The following SPHKAP variants were observed in gnomAD, a reference collection of about 807,000 sequenced individuals.
SPHKAP encodes the protein A-kinase anchor protein SPHKAP.
SPHKAP carries 67 observed loss-of-function variants against 137.5 expected under a neutral mutation model. That is an observed-to-expected ratio of 0.49 (90% CI 0.40 to 0.60). The LOEUF (loss-of-function observed/expected upper bound fraction) is 0.60. Among genes scored for constraint, SPHKAP ranks in the 20% least tolerant of loss-of-function variants. The probability of loss-of-function intolerance (pLI) is 0.00; values close to 1 mark genes in which losing one functional copy is unlikely to be tolerated. For missense variants in SPHKAP, 2,097 were observed against 2,069.3 expected (o/e 1.01, Z -0.26); for synonymous variants, 813 against 785.3 (o/e 1.04, Z -0.59).
chr2:228,110,159 T>G (rs1248184498), intron 2 of SPHKAP, among the ~76,000 whole-genome samples: 1 of 151,972 alleles, frequency 6.6e-6, no homozygotes, highest in Non-Finnish European at 1.5e-5. Context: ...CAATTACATT[T>G]CATTCGTACA....
chr2:228,091,715 T>C lies in SPHKAP; in HGVS notation c.246+17117A>G, dbSNP rs531235058. 3.4e-4 allele frequency among the ~76,000 whole-genome samples: 52 copies of C among 151,894 alleles called. 1 individual carries two copies. The highest frequency in any genetic ancestry group is 1.8e-4 in the Non-Finnish European group (12 of 67,956). ...AGGGAAATGCAAATCAAAACCACAATGTGATACCACCTTACTCCTGCAAGA... is the reference window on the plus strand; with the variant it reads ...AGGGAAATGCAAATCAAAACCACAACGTGATACCACCTTACTCCTGCAAGA... On this transcript the variant is annotated intron_variant, in intron 3 of 11. Transcript: ENST00000392056.
chr2:228,105,948 G>A (rs1698332374), intron 3 of SPHKAP, among the ~76,000 whole-genome samples: 1 of 152,126 alleles, frequency 6.6e-6, no homozygotes, highest in South Asian at 2.1e-4. Flanking sequence ...AACTACTGAA[G>A]ATGTCTTCAG....
intron 2 of SPHKAP, among the ~76,000 whole-genome samples, chr2:228,116,536 A>G (rs1243401615): frequency 1.3e-5 from 2 of 152,176 alleles, no homozygotes; most frequent in Non-Finnish European, 2.9e-5. Flanking sequence ...TAATATTATT[A>G]CTAATGTTAT....
intron 1 of SPHKAP, among the ~76,000 whole-genome samples, chr2:228,143,243 T>C (rs1699660940): frequency 6.6e-6 from 1 of 152,116 alleles, no homozygotes; most frequent in South Asian, 2.1e-4. Context: ...AATGTATTAT[T>C]TTAAAATATA....
intron 3 of SPHKAP, among the ~76,000 whole-genome samples, chr2:228,086,827 C>T (rs984362193): frequency 3.9e-5 from 6 of 152,108 alleles, no homozygotes; most frequent in African/African-American, 1.2e-4. Flanking sequence ...AAACAATAGC[C>T]CCAGTTAATT....
intron 1 of SPHKAP, among the ~76,000 whole-genome samples, chr2:228,149,825 A>G (rs1448067964): frequency 1.3e-5 from 2 of 152,152 alleles, no homozygotes; most frequent in Non-Finnish European, 2.9e-5. Context: ...ATAATGCATA[A>G]TTTATCTGCA....
chr2:228,167,144 C>T (rs182180783), intron 1 of SPHKAP, among the ~76,000 whole-genome samples: 2 of 152,296 alleles, frequency 1.3e-5, no homozygotes, highest in Admixed American at 1.3e-4. Context: ...TGGGTGGGGA[C>T]ATACATCCAA....
At chr2:228,042,904 G>A (rs1398989548) in intron 3 of SPHKAP, among the ~76,000 whole-genome samples, 3 of 152,122 alleles carry the variant, frequency 2.0e-5, no homozygotes, top group Admixed American at 1.3e-4. Flanking sequence ...AGGTGTTTAT[G>A]ACTTAATGGA....
chr2:228,048,582 C>T (rs971402908), intron 3 of SPHKAP, among the ~76,000 whole-genome samples: 1 of 152,022 alleles, frequency 6.6e-6, no homozygotes, highest in Admixed American at 6.6e-5. Context: ...TAATACTGTA[C>T]TTTTACTGTA....
At chr2:228,178,297 A>G (rs1341853262) in intron 1 of SPHKAP, among the ~76,000 whole-genome samples, 1 of 152,160 alleles carries the variant, frequency 6.6e-6, no homozygotes, top group African/African-American at 2.4e-5. Context: ...TATTTCCTTT[A>G]TTTAATTTCC....
Position 228,018,577 on chromosome 2 carries a change from A to C in SPHKAP, c.2277T>G (p.Ser759Arg). 6.2e-7 allele frequency: 1 copy of C among 1,613,898 alleles called. No homozygotes were observed. Among genetic ancestry groups the C allele is most frequent in the Non-Finnish European group, 8.5e-7 (1 of 1,179,888 alleles). ...PSCQPSDPGASQAWTKATESS... is the reference protein window; with the variant it reads ...PSCQPSDPGARQAWTKATESS... The stretch of plus-strand genomic sequence containing the variant: ...ATTCAGTGGCTTTTGTCCAAGCTTG[A>C]CTAGCACCCGGATCAGATGGCTGGC... Residue 759 changes from serine to arginine, a missense_variant, in exon 7 of 12, where the codon AGT becomes AGG. Transcript: ENST00000392056.
intron 1 of SPHKAP, among the ~76,000 whole-genome samples, chr2:228,177,631 T>C (rs1448694335): frequency 6.6e-6 from 1 of 152,210 alleles, no homozygotes; most frequent in East Asian, 1.9e-4. Flanking sequence ...TGGAAGATCA[T>C]AGTCCAGTAT....
In SPHKAP at chr2:228,124,045, C is replaced by T. The variant is rs532454507; in HGVS notation, c.138+7935G>A. On this transcript the variant is annotated intron_variant, in intron 2 of 11. Transcript: ENST00000392056. Reference sequence around the variant, plus strand: ...AAAACCACGATGAGATACCATCTTGCACCAGTTAGAATGGCAATCATTAAA... The same window carrying T: ...AAAACCACGATGAGATACCATCTTGTACCAGTTAGAATGGCAATCATTAAA... 2.7e-3 allele frequency among the ~76,000 whole-genome samples: 408 copies of T among 151,646 alleles called. 4 individuals are homozygous for T. Among genetic ancestry groups the T allele is most frequent in the African/African-American group, 9.6e-3 (399 of 41,414 alleles).
chr2:228,016,852 CTCAG>C lies in SPHKAP; in HGVS notation c.3998_4001del (p.Thr1333SerfsTer18). 6.2e-7 allele frequency: 1 copy of C among 1,614,074 alleles called. No homozygotes were observed. The highest frequency in any genetic ancestry group is 8.5e-7 in the Non-Finnish European group (1 of 1,180,000). On this transcript the variant is annotated frameshift_variant, in exon 7 of 12. Coordinates refer to ENST00000392056, the MANE Select transcript of SPHKAP (RefSeq NM_001142644.2). LOFTEE classifies it high-confidence loss of function. ...GCGAGGGAGAGCCACCAGAAACAGGCTCAGTGTCAGCTTCCTCTGCATCATCCAC... is the reference window on the plus strand; with the variant it reads ...GCGAGGGAGAGCCACCAGAAACAGGCTGTCAGCTTCCTCTGCATCATCCAC...
intron 2 of SPHKAP, among the ~76,000 whole-genome samples, chr2:228,112,675 C>T (rs566747925): frequency 2.0e-5 from 3 of 152,210 alleles, no homozygotes; most frequent in African/African-American, 7.2e-5. Flanking sequence ...GCAGACCAGG[C>T]TAGTTGGGAG....
chr2:228,082,189 A>T (rs981416911), intron 3 of SPHKAP, among the ~76,000 whole-genome samples: 2 of 152,190 alleles, frequency 1.3e-5, no homozygotes, highest in Admixed American at 1.3e-4. Context: ...ATATGAAATC[A>T]TAAGATTTCA....
intron 3 of SPHKAP, among the ~76,000 whole-genome samples, chr2:228,084,627 T>C (rs1697482018): frequency 1.3e-5 from 2 of 152,196 alleles, no homozygotes; most frequent in African/African-American, 4.8e-5. Context: ...TGTTCACCAT[T>C]GATTAATTTT....
chr2:228,111,831 C>T (rs1698528027), intron 2 of SPHKAP, among the ~76,000 whole-genome samples: 1 of 152,002 alleles, frequency 6.6e-6, no homozygotes, highest in African/African-American at 2.4e-5. Flanking sequence ...AGAGGGCTGT[C>T]TTATATACCC....
chr2:228,027,690 G>A lies in SPHKAP; in HGVS notation c.247-147C>T, dbSNP rs879445907. 9.0e-5 allele frequency: 72 copies of A among 800,414 alleles called. No homozygotes were observed. The Admixed American group carries it at 9.7e-4, about 11-fold the overall frequency. The allele number at this position is 800,414 out of a possible 1,614,324, so 49.6% of individuals were successfully genotyped here. A position where few individuals can be genotyped will look rare whatever the true frequency, so the allele number is the denominator to read the frequency against. On this transcript the variant is annotated intron_variant, in intron 3 of 11. Transcript: ENST00000392056. ...GGCATAGAAATAGTCATTTCAGGGCGGGCGCAGTGGCTTATGGTTGTAATC... is the reference window on the plus strand; with the variant it reads ...GGCATAGAAATAGTCATTTCAGGGCAGGCGCAGTGGCTTATGGTTGTAATC...
Sources: allele counts gnomAD v4.1 joint callset (sites outside exome capture counted in the v4.1 genomes callset), GRCh38; gene constraint gnomAD v4.1.1; transcripts MANE v1.5; gene names NCBI Gene and HGNC (gene_info 2026-07-23, HGNC 2026-07-21).